The following ITPR3 variants were observed in gnomAD, a reference collection of about 807,000 sequenced individuals.
ITPR3 encodes inositol 1,4,5-trisphosphate-gated calcium channel ITPR3.
A neutral mutation model predicts 293.2 loss-of-function variants in ITPR3; 173 were observed. The observed-to-expected ratio is 0.59, with a 90% CI of 0.52 to 0.67. ITPR3 has a LOEUF of 0.67. ITPR3 is among the 30% of genes least tolerant of loss of function. ITPR3 has a pLI of 0.00. For missense variants in ITPR3, 2,796 were observed against 3,592.1 expected (o/e 0.78, Z 5.66); for synonymous variants, 1,295 against 1,444.4 (o/e 0.90, Z 2.35).
rs377347193 is a variant in ITPR3, at chr6:33,667,157, G to T, written c.1580G>T (p.Arg527Leu). 5.0e-6 allele frequency: 8 copies of T among 1,614,010 alleles called. No homozygotes were observed. The highest frequency in any genetic ancestry group is 1.3e-5 in the African/African-American group (1 of 74,920). Residue 527 changes from arginine to leucine, a missense_variant, in exon 15 of 58, where the codon CGT (arginine) becomes CTT (leucine). Arg to Leu is a moderately radical substitution (Grantham distance 102). Coordinates refer to ENST00000605930, the MANE Select transcript of ITPR3 (RefSeq NM_002224.4). This position sits in a 1 kb window ranked among gnomAD's most constrained non-coding sequence, Gnocchi z 4.4. The part of the protein sequence containing the change: ...QVFGILKAPF[R>L]EKGGEGPLVR... ...TTTGGCATTCTGAAGGCCCCGTTCC[G>T]TGAGAAGGGGGGTGAAGGTCCCCTG...
intron 1 of ITPR3, among the ~76,000 whole-genome samples, chr6:33,625,508 C>T (rs12523916): frequency 0.084 from 12,751 of 152,174 alleles, 566 homozygotes; most frequent in Non-Finnish European, 0.1. Flanking sequence ...GGATTACAGC[C>T]GCGAGCCACT....
Position 33,675,721 on chromosome 6 carries a change from C to A in ITPR3, c.3147C>A (p.Asp1049Glu), listed in dbSNP as rs372554336. The part of the protein sequence containing the change: ...GKTSSMLEVD[D>E]EGGRMFLRVL... The stretch of plus-strand genomic sequence containing the variant: ...CAAGCAGCATGCTGGAGGTGGATGA[C>A]GAGGGCGGCCGCATGTTCCTGCGCG... Residue 1049 changes from aspartate to glutamate, a missense_variant, in exon 25 of 58, where the codon GAC (aspartate) becomes GAA (glutamate). Transcript: ENST00000605930. This position sits in a 1 kb window ranked among gnomAD's most constrained non-coding sequence, Gnocchi z 5.0. 1 of 1,609,092 alleles carries A rather than the reference C, an allele frequency of 6.2e-7. No homozygotes were observed. The highest frequency in any genetic ancestry group is 8.5e-7 in the Non-Finnish European group (1 of 1,177,606).
chr6:33,622,267 C>T (rs1763455815), intron 1 of ITPR3, among the ~76,000 whole-genome samples: 1 of 152,214 alleles, frequency 6.6e-6, no homozygotes, highest in African/African-American at 2.4e-5. Context: ...CCCGCCTCTC[C>T]CATTCAATTT....
At chr6:33,646,130 C>G (rs763090097) in intron 2 of ITPR3, among the ~76,000 whole-genome samples, 12 of 152,296 alleles carry the variant, frequency 7.9e-5, no homozygotes, top group Middle Eastern at 3.4e-3. Context: ...GCCACCACAC[C>G]TGGCCGAAAA....
At chr6:33,643,563 G>A (rs887074295) in intron 2 of ITPR3, among the ~76,000 whole-genome samples, 1 of 152,204 alleles carries the variant, frequency 6.6e-6, no homozygotes, top group Non-Finnish European at 1.5e-5. Context: ...TGTGGCTGCC[G>A]TGAGTCCCGA....
Position 33,687,167 on chromosome 6 carries a change from G to A in ITPR3, c.6076-59G>A. 6.3e-7 allele frequency: 1 copy of A among 1,594,082 alleles called. No homozygotes were observed. ...TGGAGTGTGTTGGGATGGGGATGAGGGCCCGGCTGGCCCTACCGCCCTAGG... is the reference window on the plus strand; with the variant it reads ...TGGAGTGTGTTGGGATGGGGATGAGAGCCCGGCTGGCCCTACCGCCCTAGG... On this transcript the variant is annotated intron_variant, in intron 44 of 57. Transcript: ENST00000605930. This position sits in a 1 kb window ranked among gnomAD's most constrained non-coding sequence, Gnocchi z 5.3.
chr6:33,635,521 T>C (rs1763800572), intron 1 of ITPR3, among the ~76,000 whole-genome samples: 1 of 152,198 alleles, frequency 6.6e-6, no homozygotes, highest in Admixed American at 6.5e-5. Context: ...TCACGGCACT[T>C]AACATTCCAT....
At chr6:33,661,823 C>T (rs6909581) in intron 7 of ITPR3, among the ~76,000 whole-genome samples, 20,900 of 149,650 alleles carry the variant, frequency 0.14, 1,469 homozygotes, top group East Asian at 0.16. Context: ...GGTGAAACCC[C>T]GTCTCTACTA....
chr6:33,638,886 T>C lies in ITPR3; in HGVS notation c.90-1598T>C, dbSNP rs1176607411. 1.3e-5 allele frequency among the ~76,000 whole-genome samples: 2 copies of C among 152,206 alleles called. No individual in the cohort carries two copies. The highest frequency in any genetic ancestry group is 6.5e-5 in the Admixed American group (1 of 15,288). On this transcript the variant is annotated intron_variant, in intron 1 of 57. Coordinates refer to ENST00000605930, the MANE Select transcript of ITPR3 (RefSeq NM_002224.4). The surrounding 1 kb of genome is among the most constrained non-coding windows in gnomAD (Gnocchi z 4.3). The stretch of plus-strand genomic sequence containing the variant: ...GCTTTGTAGAGTAGGAAAGCAGAGC[T>C]GAGGGTGGAAGGATGGAGTTTTGCT...
In ITPR3 at chr6:33,647,353, G is replaced by A. The variant is rs184027954; in HGVS notation, c.160+6799G>A. Among the ~76,000 whole-genome samples the A allele has an allele frequency of 1.6e-3, 248 of 152,260 alleles. 6 individuals carry two copies. Among genetic ancestry groups the A allele is most frequent in the Admixed American group, 0.016 (247 of 15,288 alleles). On this transcript the variant is annotated intron_variant, in intron 2 of 57. Coordinates refer to ENST00000605930, the MANE Select transcript of ITPR3 (RefSeq NM_002224.4). ...AGTCACTTATTTTTAATTGTGGTAA[G>A]ATTCACATAACAAGGAGTTTCCCAT...
In ITPR3 at chr6:33,631,386, G is replaced by A. The variant is rs981087332; in HGVS notation, c.90-9098G>A. The stretch of plus-strand genomic sequence containing the variant: ...AGGAGGGTGAATCTTCTAAGTGATT[G>A]ACAAGGTGAAGCAAGTCATGTGATT... On this transcript the variant is annotated intron_variant, in intron 1 of 57. Transcript: ENST00000605930. Among the ~76,000 whole-genome samples the A allele has an allele frequency of 4.3e-4, 65 of 152,210 alleles. 3 individuals are homozygous for A. Among genetic ancestry groups the A allele is most frequent in the Non-Finnish European group, 1.5e-5 (1 of 68,034 alleles).
At chr6:33,680,713 G>A (rs200659265) in intron 33 of ITPR3, 33 bp downstream of exon 33, 10 of 1,589,418 alleles carry the variant, frequency 6.3e-6, no homozygotes, top group Middle Eastern at 1.7e-4. Flanking sequence ...CCCCAGGGCC[G>A]ACTTGCCTAG....
chr6:33,633,800 G>T lies in ITPR3; in HGVS notation c.90-6684G>T, dbSNP rs544400026. ...GCCGGACGCCCGGAGCTCGCGGGCC[G>T]GGCCAGGCTGGGGGCGGGGCGGGCG... On this transcript the variant is annotated intron_variant, in intron 1 of 57. Transcript: ENST00000605930. The surrounding 1 kb of genome is among the most constrained non-coding windows in gnomAD (Gnocchi z 5.2). Among the ~76,000 whole-genome samples the T allele has an allele frequency of 6.9e-5, 10 of 144,808 alleles. No individual in the cohort carries two copies. The highest frequency in any genetic ancestry group is 2.2e-4 in the African/African-American group (9 of 40,384). The allele number at this position is 144,808 out of a possible 152,430, so 95.0% of individuals were successfully genotyped here.
chr6:33,669,283 G>A (rs769933201), intron 18 of ITPR3, 127 bp downstream of exon 18: 71 of 947,112 alleles, frequency 7.5e-5, no homozygotes, highest in Non-Finnish European at 9.6e-5. Flanking sequence ...CCTCAGAAGC[G>A]GAGTCCCTGC....
In ITPR3 at chr6:33,679,789, A is replaced by G. The variant is rs1765016021; in HGVS notation, c.3973-93A>G. 2.0e-6 allele frequency: 3 copies of G among 1,473,830 alleles called. No individual in the cohort carries two copies. The highest frequency in any genetic ancestry group is 1.3e-5 in the South Asian group (1 of 74,610). 91.3% of individuals were successfully genotyped at this position (1,473,830 alleles called of 1,614,324 possible). A position where few individuals can be genotyped will look rare whatever the true frequency, so the allele number is the denominator to read the frequency against. On this transcript the variant is annotated intron_variant, in intron 30 of 57. Coordinates refer to ENST00000605930, the MANE Select transcript of ITPR3 (RefSeq NM_002224.4). The surrounding 1 kb of genome is among the most constrained non-coding windows in gnomAD (Gnocchi z 4.2). ...CTGATTTCAGGTAAGGGCTGTGGTC[A>G]GAGTCCCAGTTTCTCCCTGGTAAGC...
chr6:33,675,376 C>T lies in ITPR3; in HGVS notation c.3117-315C>T, dbSNP rs1422662968. Among the ~76,000 whole-genome samples the T allele has an allele frequency of 6.6e-6, 1 of 150,974 alleles. No homozygotes were observed. Among genetic ancestry groups the T allele is most frequent in the Non-Finnish European group, 1.5e-5 (1 of 67,870 alleles). Reference sequence around the variant, plus strand: ...GGTGGAGGTTGCAGTGAGCCAAGATCATGCCACTGGCTGCATTCCATCCTG... The same window carrying T: ...GGTGGAGGTTGCAGTGAGCCAAGATTATGCCACTGGCTGCATTCCATCCTG... On this transcript the variant is annotated intron_variant, in intron 24 of 57. Transcript: ENST00000605930. The surrounding 1 kb of genome is among the most constrained non-coding windows in gnomAD (Gnocchi z 5.0).
chr6:33,665,334 C>A, intron 13 of ITPR3, 121 bp downstream of exon 13: 1 of 1,297,730 alleles, frequency 7.7e-7, no homozygotes, highest in African/African-American at 1.5e-5. Context: ...GGGGACTGGC[C>A]CCTGTGGGGC....
intron 2 of ITPR3, among the ~76,000 whole-genome samples, chr6:33,647,927 G>T (rs1378310750): frequency 6.6e-6 from 1 of 152,026 alleles, no homozygotes; most frequent in Non-Finnish European, 1.5e-5. Context: ...ATTGCCACTT[G>T]CCCCCCGCTG....
Position 33,662,603 on chromosome 6 carries a change from G to C in ITPR3, c.787G>C (p.Val263Leu). Residue 263 changes from valine to leucine, a missense_variant, in exon 8 of 58, where the codon GTG (valine) becomes CTG (leucine). Val to Leu is a conservative substitution (Grantham distance 32). Around this residue, in one of 8 missense-constraint regions of ITPR3, gnomAD observed 955 missense variants for 1,180.8 expected, o/e 0.81. Coordinates refer to ENST00000605930, the MANE Select transcript of ITPR3 (RefSeq NM_002224.4). ...TCDEYKGKLQVFLRTTLRQSA... is the reference protein window; with the variant it reads ...TCDEYKGKLQLFLRTTLRQSA... ...TGACGAGTACAAGGGCAAGCTGCAG[G>C]TGTTCCTGCGAACTACACTGCGCCA... is the stretch of plus-strand genomic sequence containing the variant. The C allele has an allele frequency of 6.2e-7, 1 of 1,612,380 alleles. No individual in the cohort carries two copies. Among genetic ancestry groups the C allele is most frequent in the Non-Finnish European group, 8.5e-7 (1 of 1,179,954 alleles).
Sources: allele counts gnomAD v4.1 joint callset (sites outside exome capture counted in the v4.1 genomes callset), GRCh38; gene constraint gnomAD v4.1.1; regional missense constraint gnomAD v4.1.1; non-coding constraint Gnocchi (gnomAD v3.1); transcripts MANE v1.5; gene names NCBI Gene and HGNC (gene_info 2026-07-23, HGNC 2026-07-21).